Variants in RANBP2 observed in about 807,000 individuals in gnomAD.
The protein encoded by RANBP2 is E3 SUMO-protein ligase RanBP2.
RANBP2 carries 57 observed loss-of-function variants against 303.6 expected under a neutral mutation model. That is an observed-to-expected ratio of 0.19 (90% CI 0.15 to 0.23). The LOEUF (loss-of-function observed/expected upper bound fraction) is 0.23, where lower values mean the gene tolerates loss of function less well. Ranked by LOEUF, RANBP2 falls within the 10% of genes least tolerant of loss-of-function variation. The pLI, the probability that RANBP2 is intolerant of heterozygous loss-of-function variation, is 1.00. For missense variants in RANBP2, 3,138 were observed against 3,780.8 expected (o/e 0.83, Z 4.46); for synonymous variants, 1,167 against 1,301.5 (o/e 0.90, Z 2.23).
the RANBP2 span, among the ~76,000 whole-genome samples, chr2:108,924,732 A>G: frequency 6.6e-6 from 1 of 152,122 alleles, no homozygotes; most frequent in Non-Finnish European, 1.5e-5. Flanking sequence ...TCTTGTAAAC[A>G]TTAATTAACC....
At chr2:109,303,891 A>G in the RANBP2 span, among the ~76,000 whole-genome samples, 2 of 152,064 alleles carry the variant, frequency 1.3e-5, no homozygotes, top group Non-Finnish European at 2.9e-5. Context: ...TAACATTGTT[A>G]TTATTTTTGG....
At chr2:109,085,496 G>C in the RANBP2 span, among the ~76,000 whole-genome samples, 3 of 151,084 alleles carry the variant, frequency 2.0e-5, no homozygotes, top group African/African-American at 7.3e-5. Flanking sequence ...GTAGAGATGG[G>C]ATTTCACCAT....
the RANBP2 span, among the ~76,000 whole-genome samples, chr2:109,625,087 CA>C: frequency 0.013 from 760 of 60,128 alleles, 5 homozygotes; most frequent in African/African-American, 0.016. Flanking sequence ...ACAACAACAA[CA>C]AAAAAAAAAA....
the RANBP2 span, among the ~76,000 whole-genome samples, chr2:108,817,828 T>C: frequency 2.0e-5 from 3 of 152,300 alleles, no homozygotes; most frequent in East Asian, 5.8e-4. Context: ...GAATTTGTGT[T>C]GTTTAAATGT....
chr2:108,806,976 A>C, the RANBP2 span, among the ~76,000 whole-genome samples: 2 of 152,172 alleles, frequency 1.3e-5, no homozygotes, highest in African/African-American at 4.8e-5. Context: ...AACTTTCCTA[A>C]ACTGAAACCT....
At chr2:109,034,258 G>A in the RANBP2 span, among the ~76,000 whole-genome samples, 67 of 105,464 alleles carry the variant, frequency 6.4e-4, no homozygotes, top group African/African-American at 2.4e-3. Context: ...GAGACACAGT[G>A]AGACTCCATC....
chr2:108,725,624 G>A (rs1185663045), intron 1 of RANBP2, among the ~76,000 whole-genome samples: 1 of 152,066 alleles, frequency 6.6e-6, no homozygotes, highest in Non-Finnish European at 1.5e-5. Context: ...GCTGGGCATG[G>A]TGGCGTGCGC....
the RANBP2 span, among the ~76,000 whole-genome samples, chr2:109,433,566 C>A: frequency 1.3e-5 from 2 of 152,298 alleles, no homozygotes; most frequent in Admixed American, 1.3e-4. Context: ...CCTTGGGTTT[C>A]TCCTGTCTTT....
chr2:108,826,898 G>C, the RANBP2 span, among the ~76,000 whole-genome samples: 35 of 152,206 alleles, frequency 2.3e-4, no homozygotes, highest in Admixed American at 2.0e-3. Flanking sequence ...ATTTTATTTA[G>C]ATCTTTTTAA....
chr2:108,719,878 T>G (rs1356181802), intron 1 of RANBP2, among the ~76,000 whole-genome samples, 200 bp downstream of exon 1: 4 of 151,864 alleles, frequency 2.6e-5, no homozygotes, highest in Non-Finnish European at 4.4e-5. Context: ...GCGGGAGACC[T>G]TTGGCGCCGG....
the RANBP2 span, among the ~76,000 whole-genome samples, chr2:109,406,530 C>G: frequency 6.6e-6 from 1 of 152,146 alleles, no homozygotes; most frequent in Non-Finnish European, 1.5e-5. Flanking sequence ...CTCTACCATC[C>G]TCACCTGGGA....
the RANBP2 span, chr2:109,129,828 G>A: frequency 2.0e-6 from 3 of 1,536,856 alleles, no homozygotes; most frequent in African/African-American, 4.1e-5. Flanking sequence ...GCTGCCCCGA[G>A]TGCCGCATCC....
chr2:109,239,405 T>C, the RANBP2 span, among the ~76,000 whole-genome samples: 1 of 152,196 alleles, frequency 6.6e-6, no homozygotes, highest in Non-Finnish European at 1.5e-5. Flanking sequence ...TGAATAAGAA[T>C]AAGGATACAG....
chr2:108,960,904 C>T, the RANBP2 span, among the ~76,000 whole-genome samples: 1 of 152,136 alleles, frequency 6.6e-6, no homozygotes, highest in Admixed American at 6.5e-5. Flanking sequence ...CAAGAGTATC[C>T]CCTAAGGCTG....
At chr2:109,106,156 C>T in the RANBP2 span, among the ~76,000 whole-genome samples, 1 of 152,034 alleles carries the variant, frequency 6.6e-6, no homozygotes, top group Non-Finnish European at 1.5e-5. Flanking sequence ...CCACCATGCT[C>T]GGCCCTGCTC....
chr2:109,437,034 C>T, the RANBP2 span: 5 of 1,613,772 alleles, frequency 3.1e-6, no homozygotes, highest in Non-Finnish European at 8.5e-7. Flanking sequence ...CCCTGCCCAT[C>T]ACCACTCCCC....
chr2:109,433,174 TGTGTGTATGCA>T, the RANBP2 span, among the ~76,000 whole-genome samples: 1 of 152,318 alleles, frequency 6.6e-6, no homozygotes, highest in East Asian at 1.9e-4. Context: ...AGGTACAGCA[TGTGTGTATGCA>T]GTGTGTATGC....
At chr2:109,078,455 A>G in the RANBP2 span, among the ~76,000 whole-genome samples, 1 of 148,676 alleles carries the variant, frequency 6.7e-6, no homozygotes, top group East Asian at 1.9e-4. Flanking sequence ...TCAATAAAAG[A>G]TGAATACATA....
the RANBP2 span, among the ~76,000 whole-genome samples, chr2:109,065,611 G>T: frequency 6.6e-6 from 1 of 152,178 alleles, no homozygotes; most frequent in African/African-American, 2.4e-5. Flanking sequence ...GAAAGGAGGC[G>T]GTCCAGTGGA....
Sources: allele counts gnomAD v4.1 joint callset (sites outside exome capture counted in the v4.1 genomes callset), GRCh38; gene constraint gnomAD v4.1.1; transcripts MANE v1.5; gene names NCBI Gene and HGNC (gene_info 2026-07-23, HGNC 2026-07-21).